Variants in PCDH9 observed in about 807,000 individuals in gnomAD.
The protein encoded by PCDH9 is protocadherin 9, also known as protocadherin-9.
PCDH9 carries 24 observed loss-of-function variants against 70.6 expected under a neutral mutation model. That is an observed-to-expected ratio of 0.34 (90% CI 0.25 to 0.48). PCDH9 has a LOEUF of 0.48. Among genes scored for constraint, PCDH9 ranks in the 20% least tolerant of loss-of-function variants. PCDH9 has a pLI of 0.99. For missense variants in PCDH9, 1,281 were observed against 1,503.6 expected (o/e 0.85, Z 2.45); for synonymous variants, 562 against 558.5 (o/e 1.01, Z -0.09).
chr13:66,496,878 C>T (rs1401272438), intron 4 of PCDH9, among the ~76,000 whole-genome samples: 1 of 152,160 alleles, frequency 6.6e-6, no homozygotes, highest in Non-Finnish European at 1.5e-5. Context: ...GATTGTGTAT[C>T]CATGATATTC....
chr13:66,777,295 T>C (rs1311188288), intron 3 of PCDH9, among the ~76,000 whole-genome samples: 1 of 151,254 alleles, frequency 6.6e-6, no homozygotes, highest in Non-Finnish European at 1.5e-5. Context: ...CTAATTAAAC[T>C]AAAGAGCTTC....
At chr13:66,309,429 T>G (rs1256019724) in intron 4 of PCDH9, among the ~76,000 whole-genome samples, 1 of 152,072 alleles carries the variant, frequency 6.6e-6, no homozygotes, top group East Asian at 1.9e-4. Context: ...ACTGACTAGT[T>G]TCTAACTCAT....
chr13:66,439,105 C>G (rs1361869806), intron 4 of PCDH9, among the ~76,000 whole-genome samples: 1 of 152,114 alleles, frequency 6.6e-6, no homozygotes, highest in Non-Finnish European at 1.5e-5. Context: ...ATAGCTGTTT[C>G]CTCCTGGATT....
chr13:66,474,270 G>A (rs950906770), intron 4 of PCDH9, among the ~76,000 whole-genome samples: 1 of 152,214 alleles, frequency 6.6e-6, no homozygotes, highest in Non-Finnish European at 1.5e-5. Flanking sequence ...GACTGTCTCC[G>A]ATTAATAAGA....
intron 4 of PCDH9, among the ~76,000 whole-genome samples, chr13:66,477,616 A>G (rs895785280): frequency 2.6e-5 from 4 of 152,150 alleles, no homozygotes; most frequent in African/African-American, 4.8e-5. Flanking sequence ...AGATAATAAT[A>G]CCTAACTCTG....
At chr13:66,753,344 A>G (rs1340817041) in intron 3 of PCDH9, among the ~76,000 whole-genome samples, 1 of 152,172 alleles carries the variant, frequency 6.6e-6, no homozygotes, top group East Asian at 1.9e-4. Flanking sequence ...AATCATTTCA[A>G]ATAGCTAGAA....
intron 2 of PCDH9, among the ~76,000 whole-genome samples, chr13:67,013,721 A>T (rs1481428093): frequency 8.2e-6 from 1 of 121,710 alleles, no homozygotes; most frequent in Admixed American, 8.6e-5. Context: ...GTTGATGGAT[A>T]ACAAAAAAAA....
chr13:66,638,102 T>C (rs186409798), intron 3 of PCDH9, among the ~76,000 whole-genome samples: 341 of 152,260 alleles, frequency 2.2e-3, no homozygotes, highest in Admixed American at 5.0e-3. Context: ...AATTATTGAG[T>C]ACCATTATAT....
chr13:67,199,664 G>A (rs957578066), intron 2 of PCDH9, among the ~76,000 whole-genome samples: 8 of 151,934 alleles, frequency 5.3e-5, no homozygotes, highest in African/African-American at 1.2e-4. Flanking sequence ...ACAATTTCAG[G>A]GAACTAATCA....
At chr13:66,848,890 C>T (rs551429319) in intron 3 of PCDH9, among the ~76,000 whole-genome samples, 19 of 146,106 alleles carry the variant, frequency 1.3e-4, no homozygotes, top group Non-Finnish European at 1.9e-4. Flanking sequence ...ATCGCACCAC[C>T]GCACTCCAGC....
At chr13:67,032,965 A>T (rs1335033007) in intron 2 of PCDH9, among the ~76,000 whole-genome samples, 1 of 147,494 alleles carries the variant, frequency 6.8e-6, no homozygotes, top group East Asian at 1.9e-4. Context: ...CTGCTTGTTA[A>T]ATTTTCTTCT....
chr13:66,944,817 CTGTGTGTGTGTG>C (rs67182136), intron 2 of PCDH9, among the ~76,000 whole-genome samples: 7 of 135,348 alleles, frequency 5.2e-5, no homozygotes, highest in Non-Finnish European at 7.9e-5. Flanking sequence ...CTAATCGTCT[CTGTGTGTGTGTG>C]TGTGTGTGTG....
intron 3 of PCDH9, among the ~76,000 whole-genome samples, chr13:66,850,784 A>C (rs936267137): frequency 1.2e-4 from 19 of 152,338 alleles, no homozygotes; most frequent in African/African-American, 4.3e-4. Flanking sequence ...AGCATTAAAA[A>C]GTTTTAGTTC....
chr13:67,141,105 A>G (rs993244522), intron 2 of PCDH9, among the ~76,000 whole-genome samples: 1 of 152,252 alleles, frequency 6.6e-6, no homozygotes, highest in South Asian at 2.1e-4. Flanking sequence ...AATGACAATT[A>G]GCATCCTAAA....
intron 4 of PCDH9, among the ~76,000 whole-genome samples, chr13:66,612,879 T>A (rs1254394312): frequency 1.3e-5 from 2 of 152,146 alleles, no homozygotes; most frequent in Admixed American, 1.3e-4. Context: ...CCATTAAAAT[T>A]GTCTGTGAGC....
chr13:66,370,733 C>T (rs532277737), intron 4 of PCDH9, among the ~76,000 whole-genome samples: 39 of 152,008 alleles, frequency 2.6e-4, no homozygotes, highest in African/African-American at 9.4e-4. Context: ...AGCCTGGTCT[C>T]AAACTCCTGG....
At chr13:67,058,186 GTAAA>G (rs2085460245) in intron 2 of PCDH9, among the ~76,000 whole-genome samples, 1 of 152,106 alleles carries the variant, frequency 6.6e-6, no homozygotes, top group Non-Finnish European at 1.5e-5. Context: ...CTCTCAGTAT[GTAAA>G]TAAAGCTTAT....
intron 2 of PCDH9, among the ~76,000 whole-genome samples, chr13:66,961,705 A>T (rs1350791145): frequency 1.3e-5 from 2 of 152,224 alleles, no homozygotes; most frequent in East Asian, 3.9e-4. Flanking sequence ...GGTTAGAATG[A>T]AATTGATTAA....
chr13:67,066,029 G>T (rs2138140536), intron 2 of PCDH9, among the ~76,000 whole-genome samples: 1 of 152,244 alleles, frequency 6.6e-6, no homozygotes, highest in Middle Eastern at 3.4e-3. Context: ...AAAATCACAT[G>T]CTACAATATG....
Sources: gnomAD v4.1 joint callset for allele counts (sites outside exome capture counted in the v4.1 genomes callset) on GRCh38, gnomAD v4.1.1 for gene constraint, MANE v1.5 for transcripts, NCBI Gene and HGNC (gene_info 2026-07-23, HGNC 2026-07-21) for gene names.